The following FRMD4A variants were observed in gnomAD, a reference collection of about 807,000 sequenced individuals.
FRMD4A encodes FERM domain-containing protein 4A.
FRMD4A carries 29 observed loss-of-function variants against 129.1 expected under a neutral mutation model. The ratio of observed to expected loss-of-function variants is 0.22; its 90% CI spans 0.17 to 0.31. FRMD4A has a LOEUF of 0.31. Ranked by LOEUF, FRMD4A falls within the 10% of genes least tolerant of loss-of-function variation. FRMD4A has a pLI of 1.00. For synonymous variants in FRMD4A, 634 were observed against 571.6 expected, an observed-to-expected ratio of 1.11 and a Z score of -1.56; for missense variants, 1,272 against 1,375.8, an observed-to-expected ratio of 0.92 and a Z score of 1.19.
rs550449928 is a variant in FRMD4A at position 14,072,450 on chromosome 10, C to T, written c.46-213538G>A. 2.6e-5 allele frequency among the ~76,000 whole-genome samples: 4 copies of T among 152,226 alleles called. No individual in the cohort carries two copies. The South Asian group carries it at 6.2e-4, about 24-fold the overall frequency. ...AAACATTATTTGGAAAATTAAAAGTCGAAAATATTATAAGATTAAAATTCT... is the reference window on the plus strand; with the variant it reads ...AAACATTATTTGGAAAATTAAAAGTTGAAAATATTATAAGATTAAAATTCT... On this transcript the variant is annotated intron_variant, in intron 2 of 24. Transcript: ENST00000357447.
chr10:14,160,197 C>G (rs1840812753), intron 2 of FRMD4A, among the ~76,000 whole-genome samples: 1 of 151,920 alleles, frequency 6.6e-6, no homozygotes, highest in African/African-American at 2.4e-5. Context: ...AAAAAGGTGC[C>G]AAGAACATAC....
At chr10:13,922,195 G>T (rs1288606486) in intron 2 of FRMD4A, among the ~76,000 whole-genome samples, 5 of 152,076 alleles carry the variant, frequency 3.3e-5, no homozygotes, top group African/African-American at 1.2e-4. Flanking sequence ...AATGTCTGTT[G>T]GTTAAGCCAC....
chr10:13,853,275 C>T (rs543478862), intron 3 of FRMD4A, among the ~76,000 whole-genome samples: 396 of 152,304 alleles, frequency 2.6e-3, no homozygotes, highest in African/African-American at 9.1e-3. Context: ...GGCAGTGGCT[C>T]ACGCCTGCCA....
At chr10:13,975,554 C>T (rs1290293596) in intron 2 of FRMD4A, among the ~76,000 whole-genome samples, 1 of 150,282 alleles carries the variant, frequency 6.7e-6, no homozygotes, top group Admixed American at 6.6e-5. Flanking sequence ...CATTGTGTAT[C>T]TATGTGTGTG....
intron 2 of FRMD4A, among the ~76,000 whole-genome samples, chr10:13,982,146 T>A (rs996274537): frequency 1.3e-5 from 2 of 150,350 alleles, no homozygotes. Flanking sequence ...AAAATGTCAC[T>A]TGAAATTTCC....
chr10:13,733,186 C>A lies in FRMD4A; in HGVS notation c.759+4658G>T, dbSNP rs75969364. ...GATCAGGGTGTGGGGCTTTTTGTAGCCTCAGAAACTGACATGTCCCTTAAA... is the reference window on the plus strand; with the variant it reads ...GATCAGGGTGTGGGGCTTTTTGTAGACTCAGAAACTGACATGTCCCTTAAA... On this transcript the variant is annotated intron_variant, in intron 12 of 24. Coordinates refer to ENST00000357447, the MANE Select transcript of FRMD4A (RefSeq NM_018027.5). Among the ~76,000 whole-genome samples the A allele has an allele frequency of 7.8e-3, 1,189 of 152,332 alleles. 22 individuals are homozygous for A. Among genetic ancestry groups the A allele is most frequent in the African/African-American group, 0.027 (1,132 of 41,568 alleles).
At chr10:13,869,229 A>C (rs2094411688) in intron 2 of FRMD4A, among the ~76,000 whole-genome samples, 3 of 152,188 alleles carry the variant, frequency 2.0e-5, no homozygotes, top group African/African-American at 7.2e-5. Flanking sequence ...AGAAAACATT[A>C]ATAATCAGTC....
intron 2 of FRMD4A, among the ~76,000 whole-genome samples, chr10:13,920,740 C>A (rs1026018172): frequency 6.6e-6 from 1 of 152,214 alleles, no homozygotes. Context: ...AAATCATTCA[C>A]TATTATTCCA....
At chr10:13,684,550 A>G in intron 15 of FRMD4A, 3 of 985,532 alleles carry the variant, frequency 3.0e-6, no homozygotes, top group Non-Finnish European at 3.6e-6. Context: ...CGGCAGACAC[A>G]TGGAAGGACA....
At chr10:13,722,611 T>G (rs1406628849) in intron 12 of FRMD4A, among the ~76,000 whole-genome samples, 1 of 152,096 alleles carries the variant, frequency 6.6e-6, no homozygotes, top group African/African-American at 2.4e-5. Flanking sequence ...TTGTCATGAA[T>G]TATGCTGTCT....
At chr10:13,690,463 C>A (rs773324437) in intron 15 of FRMD4A, among the ~76,000 whole-genome samples, 5 of 152,194 alleles carry the variant, frequency 3.3e-5, no homozygotes, top group Non-Finnish European at 7.3e-5. Context: ...TCCCTTTGTT[C>A]CCTGATGGAA....
intron 2 of FRMD4A, among the ~76,000 whole-genome samples, chr10:14,264,025 T>C (rs747310718): frequency 1.3e-5 from 2 of 152,206 alleles, no homozygotes; most frequent in African/African-American, 4.8e-5. Flanking sequence ...CATGTCTCCT[T>C]GCTAAGATTC....
intron 2 of FRMD4A, among the ~76,000 whole-genome samples, chr10:14,091,186 T>G (rs1400893866): frequency 6.6e-6 from 1 of 152,180 alleles, no homozygotes; most frequent in East Asian, 1.9e-4. Context: ...ACTTAATTTC[T>G]TAAGTGATTT....
chr10:14,218,673 G>T (rs1037062342), intron 2 of FRMD4A, among the ~76,000 whole-genome samples: 1 of 152,148 alleles, frequency 6.6e-6, no homozygotes, highest in Non-Finnish European at 1.5e-5. Context: ...CCTCCCACAT[G>T]TGGGAATTAT....
intron 2 of FRMD4A, among the ~76,000 whole-genome samples, chr10:14,280,194 G>A (rs1252981392): frequency 2.0e-5 from 3 of 152,162 alleles, no homozygotes; most frequent in Admixed American, 1.3e-4. Context: ...AGCGGATGGG[G>A]GCAGAGTGGG....
chr10:13,797,035 C>G (rs76434030), intron 4 of FRMD4A, among the ~76,000 whole-genome samples: 1 of 152,106 alleles, frequency 6.6e-6, no homozygotes, highest in South Asian at 2.1e-4. Context: ...CACCTTATTA[C>G]TAGCTTTTCA....
chr10:14,262,227 G>A (rs1167756473), intron 2 of FRMD4A, among the ~76,000 whole-genome samples: 2 of 152,266 alleles, frequency 1.3e-5, no homozygotes, highest in African/African-American at 4.8e-5. Context: ...ACTGAGCTAA[G>A]AGATCACTTT....
intron 12 of FRMD4A, chr10:13,710,289 G>C (rs180722295): frequency 6.6e-6 from 1 of 152,254 alleles, no homozygotes; most frequent in Non-Finnish European, 1.5e-5. Flanking sequence ...AGAATGCTCC[G>C]AGGGGTTGTT....
intron 24 of FRMD4A, chr10:13,647,923 C>CTCCCCATG (rs1221360046): frequency 6.6e-6 from 1 of 152,116 alleles, no homozygotes; most frequent in Non-Finnish European, 1.5e-5. Context: ...TGCAACTGAT[C>CTCCCCATG]TCCCCATGGG....
Sources: gnomAD v4.1 joint callset for allele counts (sites outside exome capture counted in the v4.1 genomes callset) on GRCh38, gnomAD v4.1.1 for gene constraint, MANE v1.5 for transcripts, NCBI Gene and HGNC (gene_info 2026-07-23, HGNC 2026-07-21) for gene names.